The following ZMYM2 variants were observed in gnomAD, a reference collection of about 807,000 sequenced individuals.
The protein encoded by ZMYM2 is zinc finger MYM-type containing 2, also known as zinc finger MYM-type protein 2.
ZMYM2 carries 56 observed loss-of-function variants against 162.8 expected under a neutral mutation model. The ratio of observed to expected loss-of-function variants is 0.34; its 90% confidence interval spans 0.28 to 0.43. The LOEUF (loss-of-function observed/expected upper bound fraction) is 0.43. Ranked by LOEUF, ZMYM2 falls within the 20% of genes least tolerant of loss-of-function variation. ZMYM2 has a pLI of 1.00. For synonymous variants in ZMYM2, 510 were observed against 541.6 expected (o/e 0.94, Z 0.81); for missense variants, 1,275 against 1,621.8 (o/e 0.79, Z 3.67).
At chr13:19,982,113 T>G (rs1007546573) in intron 2 of ZMYM2, among the ~76,000 whole-genome samples, 1 of 152,140 alleles carries the variant, frequency 6.6e-6, no homozygotes, top group South Asian at 2.1e-4. Flanking sequence ...TACCTCAGAT[T>G]CAACTGAAAT....
Position 20,024,900 on chromosome 13 carries a change from C to T in ZMYM2, c.1585-1712C>T, listed in dbSNP as rs913683708. On this transcript the variant is annotated intron_variant, in intron 7 of 24. Coordinates refer to ENST00000610343, the MANE Select transcript of ZMYM2 (RefSeq NM_197968.4). ...TGAGGGCTTCCTTTAGTTGATATTTCAGTAAATGAGGAAGTAGGCAGCGTA... is the reference window on the plus strand; with the variant it reads ...TGAGGGCTTCCTTTAGTTGATATTTTAGTAAATGAGGAAGTAGGCAGCGTA... The T allele has an allele frequency of 1.9e-5, 4 of 215,796 alleles. No homozygotes were observed. In the East Asian group the frequency reaches 2.8e-4, roughly 15 times the overall value. 13.4% of individuals were successfully genotyped at this position (215,796 alleles called of 1,614,324 possible).
At chr13:19,928,503 A>C in the ZMYM2 span, among the ~76,000 whole-genome samples, 1 of 152,126 alleles carries the variant, frequency 6.6e-6, no homozygotes, top group East Asian at 1.9e-4. Context: ...TCTTGTTTAA[A>C]CAACCATACC....
chr13:19,978,643 G>A (rs899400557), intron 2 of ZMYM2, among the ~76,000 whole-genome samples: 2 of 151,912 alleles, frequency 1.3e-5, no homozygotes, highest in South Asian at 2.1e-4. Context: ...TGAAACTCCC[G>A]ACCTCAGGTG....
intron 2 of ZMYM2, among the ~76,000 whole-genome samples, chr13:19,986,218 A>G (rs1314753507): frequency 6.6e-6 from 1 of 151,228 alleles, no homozygotes; most frequent in Non-Finnish European, 1.5e-5. Flanking sequence ...AACAAACAAA[A>G]CAAACAAACA....
At chr13:20,012,290 G>A (rs529689399) in intron 6 of ZMYM2, among the ~76,000 whole-genome samples, 4 of 151,838 alleles carry the variant, frequency 2.6e-5, no homozygotes, top group East Asian at 2.0e-4. Flanking sequence ...ATTCTTCTGC[G>A]TCAGCCTCCC....
At chr13:19,924,527 C>A in the ZMYM2 span, among the ~76,000 whole-genome samples, 1 of 152,114 alleles carries the variant, frequency 6.6e-6, no homozygotes, top group Non-Finnish European at 1.5e-5. Flanking sequence ...CAGATAGCAC[C>A]ACTGCACTCC....
At chr13:20,050,061 T>C (rs1955176905) in intron 12 of ZMYM2, among the ~76,000 whole-genome samples, 1 of 152,050 alleles carries the variant, frequency 6.6e-6, no homozygotes, top group Non-Finnish European at 1.5e-5. Context: ...TTGGTTGATA[T>C]TAAGTGCTAT....
chr13:20,063,925 ATATT>A (rs1449220785), intron 18 of ZMYM2, among the ~76,000 whole-genome samples: 6 of 144,970 alleles, frequency 4.1e-5, no homozygotes, highest in Non-Finnish European at 6.1e-5. Flanking sequence ...TATTTTATAT[ATATT>A]ATATAGTTTT....
At chr13:20,041,171 A>G (rs1954213444) in intron 12 of ZMYM2, among the ~76,000 whole-genome samples, 1 of 152,088 alleles carries the variant, frequency 6.6e-6, no homozygotes. Context: ...TGATACTGTT[A>G]TTGGAGCATT....
intron 2 of ZMYM2, among the ~76,000 whole-genome samples, chr13:19,962,387 C>T (rs907744361): frequency 1.3e-5 from 2 of 150,610 alleles, no homozygotes; most frequent in Non-Finnish European, 2.9e-5. Flanking sequence ...TGTTATATTT[C>T]CTGTCTCTCT....
chr13:19,878,675 C>T, the ZMYM2 span, among the ~76,000 whole-genome samples: 1 of 151,970 alleles, frequency 6.6e-6, no homozygotes. Context: ...GCACTCACCA[C>T]CATGCCTGGC....
the ZMYM2 span, among the ~76,000 whole-genome samples, chr13:19,865,537 ATT>A: frequency 6.6e-6 from 1 of 152,230 alleles, no homozygotes; most frequent in East Asian, 1.9e-4. Flanking sequence ...ACTGCTGTAA[ATT>A]ACAAGCACTG....
the ZMYM2 span, among the ~76,000 whole-genome samples, chr13:19,870,186 TTCTC>T: frequency 6.6e-6 from 1 of 152,182 alleles, no homozygotes; most frequent in African/African-American, 2.4e-5. Context: ...GACAGGGTCT[TTCTC>T]TGTCTCCCAG....
intron 2 of ZMYM2, among the ~76,000 whole-genome samples, chr13:19,985,919 G>A (rs535199396): frequency 5.9e-5 from 9 of 151,822 alleles, no homozygotes; most frequent in Non-Finnish European, 8.8e-5. Flanking sequence ...GTGTGATAAC[G>A]TGCGCCTATA....
At chr13:19,938,179 G>A in the ZMYM2 span, among the ~76,000 whole-genome samples, 14 of 152,166 alleles carry the variant, frequency 9.2e-5, no homozygotes, top group African/African-American at 3.4e-4. Context: ...TAATGGGATG[G>A]CTGGGTCAAA....
chr13:19,997,571 C>T (rs1594260736), intron 3 of ZMYM2, among the ~76,000 whole-genome samples: 2 of 152,144 alleles, frequency 1.3e-5, no homozygotes, highest in East Asian at 3.9e-4. Context: ...TACAGAAATA[C>T]ATTGTAATAA....
the ZMYM2 span, among the ~76,000 whole-genome samples, chr13:19,945,412 T>C: frequency 2.0e-5 from 3 of 152,042 alleles, no homozygotes; most frequent in Non-Finnish European, 4.4e-5. Context: ...TTAACACTCC[T>C]GGCTAATTTT....
At chr13:20,067,836 TC>T (rs1172307100) in intron 21 of ZMYM2, among the ~76,000 whole-genome samples, 2 of 152,186 alleles carry the variant, frequency 1.3e-5, no homozygotes, top group African/African-American at 4.8e-5. Flanking sequence ...AACATGGAGA[TC>T]AACTTTAAAT....
chr13:19,950,418 G>A, the ZMYM2 span, among the ~76,000 whole-genome samples: 2 of 152,148 alleles, frequency 1.3e-5, no homozygotes, highest in Admixed American at 6.5e-5. Flanking sequence ...CCCCTTACAG[G>A]GTGAACTGCA....
Sources: gnomAD v4.1 joint callset for allele counts (sites outside exome capture counted in the v4.1 genomes callset) on GRCh38, gnomAD v4.1.1 for gene constraint, MANE v1.5 for transcripts, NCBI Gene and HGNC (gene_info 2026-07-23, HGNC 2026-07-21) for gene names.